The following MARCHF8 variants were observed in gnomAD, a reference collection of about 807,000 sequenced individuals.
The protein encoded by MARCHF8 is E3 ubiquitin-protein ligase MARCHF8.
Under a neutral mutation model 51.6 loss-of-function variants are expected in MARCHF8, and 40 were observed. The ratio of observed to expected loss-of-function variants is 0.77; its 90% CI spans 0.60 to 1.01. MARCHF8 has a LOEUF of 1.01. Among genes scored for constraint, MARCHF8 ranks in the 50% least tolerant of loss-of-function variants. The probability of loss-of-function intolerance (pLI) is 0.00; values close to 1 mark genes in which losing one functional copy is unlikely to be tolerated. For synonymous variants in MARCHF8, 263 were observed against 280.3 expected, an observed-to-expected ratio of 0.94 and a Z score of 0.62; for missense variants, 685 against 708.6, an observed-to-expected ratio of 0.97 and a Z score of 0.38.
chr10:45,545,786 T>C (rs1388597392), intron 1 of MARCHF8, among the ~76,000 whole-genome samples: 1 of 152,150 alleles, frequency 6.6e-6, no homozygotes, highest in Non-Finnish European at 1.5e-5. Flanking sequence ...ACTGCACTAG[T>C]ATCACCTCAA....
chr10:45,474,351 C>T (rs1319931037), intron 3 of MARCHF8, among the ~76,000 whole-genome samples: 1 of 152,112 alleles, frequency 6.6e-6, no homozygotes, highest in Non-Finnish European at 1.5e-5. Flanking sequence ...TGCATCGCCC[C>T]TGCCAGCCAT....
chr10:45,498,912 A>G (rs945322944), intron 2 of MARCHF8, among the ~76,000 whole-genome samples: 4 of 152,254 alleles, frequency 2.6e-5, no homozygotes, highest in African/African-American at 9.6e-5. Context: ...CTATGAACAC[A>G]GGTATACAAA....
chr10:45,506,864 CTGGA>C (rs1234359427), intron 2 of MARCHF8, among the ~76,000 whole-genome samples: 1 of 152,150 alleles, frequency 6.6e-6, no homozygotes, highest in African/African-American at 2.4e-5. Context: ...TTCAGGCGAT[CTGGA>C]TGTATACATG....
chr10:45,530,843 G>A (rs1268584429), intron 2 of MARCHF8, among the ~76,000 whole-genome samples: 1 of 152,024 alleles, frequency 6.6e-6, no homozygotes, highest in East Asian at 1.9e-4. Flanking sequence ...AGCAAACTCA[G>A]AATAGTCACA....
At chr10:45,542,473 A>G (rs2044067862) in intron 1 of MARCHF8, among the ~76,000 whole-genome samples, 1 of 152,080 alleles carries the variant, frequency 6.6e-6, no homozygotes, top group Non-Finnish European at 1.5e-5. Flanking sequence ...ATATACTTCA[A>G]TGCAGAAATA....
At chr10:45,586,793 T>C (rs2044623258) in intron 1 of MARCHF8, among the ~76,000 whole-genome samples, 1 of 152,118 alleles carries the variant, frequency 6.6e-6, no homozygotes, top group Admixed American at 6.5e-5. Context: ...TTACCGATTT[T>C]GCAATTTGAG....
intron 1 of MARCHF8, among the ~76,000 whole-genome samples, chr10:45,577,857 C>A (rs2044507494): frequency 1.3e-5 from 2 of 152,140 alleles, no homozygotes; most frequent in African/African-American, 4.8e-5. Context: ...CCCATCTCTA[C>A]TAAAAATTTT....
intron 1 of MARCHF8, among the ~76,000 whole-genome samples, chr10:45,581,341 C>A (rs552461429): frequency 2.8e-4 from 42 of 152,262 alleles, no homozygotes; most frequent in Admixed American, 1.1e-3. Context: ...GATGCATCCA[C>A]TAATACAGTG....
chr10:45,562,165 G>T (rs889743550), intron 1 of MARCHF8, among the ~76,000 whole-genome samples: 4 of 152,080 alleles, frequency 2.6e-5, no homozygotes, highest in Non-Finnish European at 5.9e-5. Flanking sequence ...GACTGAGATG[G>T]ACTCACACAT....
chr10:45,461,316 T>G lies in MARCHF8; in HGVS notation c.1184A>C (p.Gln395Pro), dbSNP rs1842776737. ...GCGCGTGTCGGAGCTCTTGATCCACTGCTGCAGGCAGGCCTGGTGCACGAA... is the reference window on the plus strand; with the variant it reads ...GCGCGTGTCGGAGCTCTTGATCCACGGCTGCAGGCAGGCCTGGTGCACGAA... ...LHFVHQACLQQWIKSSDTRCC... is the reference protein window; with the variant it reads ...LHFVHQACLQPWIKSSDTRCC... Residue 395 changes from glutamine (Q) to proline (P), a missense_variant, in exon 6 of 8, where the codon CAG becomes CCG. Physicochemically the swap from Gln to Pro is moderately conservative, Grantham distance 76 (BLOSUM62 -1). Coordinates refer to ENST00000453424, the MANE Select transcript of MARCHF8 (RefSeq NM_001282866.2). The G allele has an allele frequency of 6.2e-7, 1 of 1,608,044 alleles. No homozygotes were observed. Among genetic ancestry groups the G allele is most frequent in the Non-Finnish European group, 8.5e-7 (1 of 1,177,566 alleles).
At chr10:45,538,874 T>C (rs184075916), upstream of MARCHF8, among the ~76,000 whole-genome samples, 19 of 152,142 alleles carry the variant, frequency 1.2e-4, no homozygotes, top group African/African-American at 3.6e-4. Flanking sequence ...AATGGGAAAG[T>C]TTTAACACCC....
chr10:45,549,035 C>T (rs1038303127), intron 1 of MARCHF8, among the ~76,000 whole-genome samples: 11 of 151,940 alleles, frequency 7.2e-5, no homozygotes, highest in African/African-American at 1.9e-4. Flanking sequence ...AGTCTACCTT[C>T]TTGAGCTCCT....
chr10:45,551,585 G>T (rs1055291544), intron 1 of MARCHF8, among the ~76,000 whole-genome samples: 1 of 151,996 alleles, frequency 6.6e-6, no homozygotes, highest in East Asian at 1.9e-4. Flanking sequence ...CATAATGTGC[G>T]TGGGCCTCAA....
chr10:45,485,531 AC>A (rs2042964083), intron 3 of MARCHF8, among the ~76,000 whole-genome samples: 1 of 152,200 alleles, frequency 6.6e-6, no homozygotes, highest in Admixed American at 6.5e-5. Context: ...GAGGCAAGCC[AC>A]CACAGACCTA....
chr10:45,465,717 G>C (rs1410856966), intron 3 of MARCHF8, among the ~76,000 whole-genome samples: 2 of 152,198 alleles, frequency 1.3e-5, no homozygotes, highest in African/African-American at 2.4e-5. Flanking sequence ...CAAGATCCAA[G>C]AAGCTCTCAT....
intron 1 of MARCHF8, among the ~76,000 whole-genome samples, chr10:45,553,507 A>T (rs190803412): frequency 1.3e-5 from 2 of 152,306 alleles, no homozygotes; most frequent in Admixed American, 1.3e-4. Flanking sequence ...TTTTATTTAA[A>T]ACTGAAATAT....
intron 2 of MARCHF8, among the ~76,000 whole-genome samples, chr10:45,525,594 C>A (rs1246487748): frequency 6.6e-6 from 1 of 152,158 alleles, no homozygotes; most frequent in East Asian, 1.9e-4. Context: ...TAGTGACTTC[C>A]TTCCAAAGAA....
At chr10:45,513,772 C>T (rs2043575118) in intron 2 of MARCHF8, among the ~76,000 whole-genome samples, 1 of 152,266 alleles carries the variant, frequency 6.6e-6, no homozygotes. Flanking sequence ...TACACACACA[C>T]GTGGGAAATA....
chr10:45,510,104 G>A (rs945981555), intron 2 of MARCHF8, among the ~76,000 whole-genome samples: 1 of 152,122 alleles, frequency 6.6e-6, no homozygotes, highest in Non-Finnish European at 1.5e-5. Flanking sequence ...ACATCGGGAG[G>A]TTGGAAACTA....
Sources: gnomAD v4.1 joint callset for allele counts (sites outside exome capture counted in the v4.1 genomes callset) on GRCh38, gnomAD v4.1.1 for gene constraint, MANE v1.5 for transcripts, NCBI Gene and HGNC (gene_info 2026-07-23, HGNC 2026-07-21) for gene names.